FOXN3: variants seen among roughly 807,000 people sequenced by gnomAD.
The protein encoded by FOXN3 is forkhead box protein N3.
Under a neutral mutation model 38.4 loss-of-function variants are expected in FOXN3, and 7 were observed. The observed-to-expected ratio is 0.18, with a 90% CI of 0.10 to 0.34. FOXN3 has a LOEUF of 0.34. Among genes scored for constraint, FOXN3 ranks in the 10% least tolerant of loss-of-function variants. The pLI is 1.00. For synonymous variants in FOXN3, 230 were observed against 242.2 expected, an observed-to-expected ratio of 0.95 and a Z score of 0.47; for missense variants, 456 against 613.4, an observed-to-expected ratio of 0.74 and a Z score of 2.71.
intron 2 of FOXN3, among the ~76,000 whole-genome samples, chr14:89,404,298 A>C (rs973036245): frequency 6.6e-6 from 1 of 151,964 alleles, no homozygotes; most frequent in East Asian, 1.9e-4. Flanking sequence ...TCACAAGGTC[A>C]GGAGTTCGAG....
At chr14:89,204,522 A>G (rs1432351109) in intron 4 of FOXN3, among the ~76,000 whole-genome samples, 1 of 152,198 alleles carries the variant, frequency 6.6e-6, no homozygotes, top group Non-Finnish European at 1.5e-5. Flanking sequence ...TTTTTTTAAA[A>G]AACTTTTTTA....
At chr14:89,251,151 C>G (rs1027046056) in intron 4 of FOXN3, among the ~76,000 whole-genome samples, 1 of 152,200 alleles carries the variant, frequency 6.6e-6, no homozygotes, top group South Asian at 2.1e-4. Context: ...AATGCCCCTA[C>G]TTGTGAGCCA....
chr14:89,566,114 A>G (rs181228361), intron 1 of FOXN3, among the ~76,000 whole-genome samples: 189 of 152,318 alleles, frequency 1.2e-3, no homozygotes, highest in Non-Finnish European at 1.5e-3. Flanking sequence ...AGAAACTGAC[A>G]ATTAGTAAAA....
At chr14:89,470,523 C>G (rs910900194) in intron 1 of FOXN3, among the ~76,000 whole-genome samples, 1 of 152,184 alleles carries the variant, frequency 6.6e-6, no homozygotes, top group South Asian at 2.1e-4. Flanking sequence ...AATGAGAACA[C>G]AAAACCAGCA....
At chr14:89,214,029 A>C (rs1884186350) in intron 4 of FOXN3, among the ~76,000 whole-genome samples, 1 of 152,270 alleles carries the variant, frequency 6.6e-6, no homozygotes, top group Admixed American at 6.5e-5. Flanking sequence ...TGCAAACAAA[A>C]AAAAGTGGCA....
intron 2 of FOXN3, among the ~76,000 whole-genome samples, chr14:89,359,698 T>C (rs1889380019): frequency 6.6e-6 from 1 of 152,172 alleles, no homozygotes. Flanking sequence ...AGTCCAGGGC[T>C]TCCTAGAGAG....
Position 89,395,820 on chromosome 14 carries a change from G to C in FOXN3, c.543+16114C>G, listed in dbSNP as rs368949466. ...TAAGCTGATCTCTAAGGCTGGAGGG[G>C]GGGGAGTTTCAAAGTAAGTCAAAGA... On this transcript the variant is annotated intron_variant, in intron 2 of 5. Coordinates refer to ENST00000557258, the MANE Select transcript of FOXN3 (RefSeq NM_005197.4). Among the ~76,000 whole-genome samples the C allele has an allele frequency of 2.0e-4, 31 of 152,184 alleles. 1 individual carries two copies. In the South Asian group the frequency reaches 6.4e-3, roughly 32 times the overall value.
At chr14:89,449,733 T>C (rs970798231) in intron 1 of FOXN3, among the ~76,000 whole-genome samples, 3 of 152,148 alleles carry the variant, frequency 2.0e-5, no homozygotes, top group Non-Finnish European at 2.9e-5. Context: ...CAACCCCATA[T>C]GCATACAATT....
chr14:89,417,061 G>T lies in FOXN3; in HGVS notation c.-205C>A, dbSNP rs1278062934. ...CGGGCGGCAGGGGCGCGGGGGTCGC[G>T]GCGCGGCATGGGACCTGCGGCGTCC... On this transcript the variant is annotated 5_prime_UTR_variant, in exon 1 of 6. Coordinates refer to ENST00000557258, the MANE Select transcript of FOXN3 (RefSeq NM_005197.4). The T allele has an allele frequency of 7.0e-6, 1 of 143,880 alleles. No homozygotes were observed. Among genetic ancestry groups the T allele is most frequent in the Non-Finnish European group, 1.5e-5 (1 of 64,946 alleles). The allele number at this position is 143,880 out of a possible 1,614,324, so 8.9% of individuals were successfully genotyped here. A position where few individuals can be genotyped will look rare whatever the true frequency, so the allele number is the denominator to read the frequency against.
chr14:89,525,960 A>G (rs1894424487), intron 1 of FOXN3, among the ~76,000 whole-genome samples: 1 of 152,184 alleles, frequency 6.6e-6, no homozygotes. Context: ...GGCTTGATTT[A>G]ACATTAGAAA....
chr14:89,500,946 T>G (rs968061468), intron 1 of FOXN3, among the ~76,000 whole-genome samples: 5 of 152,334 alleles, frequency 3.3e-5, no homozygotes, highest in African/African-American at 1.2e-4. Context: ...CAGTGAAGTT[T>G]GCTTTAAATG....
chr14:89,196,706 C>G (rs1344941828), intron 4 of FOXN3, among the ~76,000 whole-genome samples: 1 of 152,172 alleles, frequency 6.6e-6, no homozygotes, highest in African/African-American at 2.4e-5. Context: ...TGATGGGTCC[C>G]TGCCAGGTCT....
At chr14:89,513,644 G>T (rs1366687651) in intron 1 of FOXN3, among the ~76,000 whole-genome samples, 6 of 151,018 alleles carry the variant, frequency 4.0e-5, no homozygotes, top group African/African-American at 4.9e-5. Context: ...GCCCAGGCTG[G>T]AGTGCAATGG....
chr14:89,399,827 C>A (rs1236790461), intron 2 of FOXN3, among the ~76,000 whole-genome samples: 16 of 152,196 alleles, frequency 1.1e-4, no homozygotes. Flanking sequence ...CTTATCCATT[C>A]CCTGAAAGCA....
intron 1 of FOXN3, among the ~76,000 whole-genome samples, chr14:89,533,087 A>C (rs1894605979): frequency 6.6e-6 from 1 of 152,218 alleles, no homozygotes; most frequent in Non-Finnish European, 1.5e-5. Context: ...TAGTATCTAC[A>C]AAAAGGGCAG....
chr14:89,608,432 G>A (rs957274426), intron 1 of FOXN3, among the ~76,000 whole-genome samples: 3 of 152,276 alleles, frequency 2.0e-5, no homozygotes, highest in Admixed American at 6.5e-5. Context: ...GGGCCACCGC[G>A]CCCGGCCTAT....
intron 3 of FOXN3, among the ~76,000 whole-genome samples, chr14:89,333,986 A>ATATATATCTATATATATC: frequency 8.7e-6 from 1 of 115,530 alleles, no homozygotes; most frequent in African/African-American, 3.9e-5. Context: ...ATATATATAT[A>ATATATATCTATATATATC]TATATATATA....
intron 1 of FOXN3, among the ~76,000 whole-genome samples, chr14:89,451,724 C>T (rs1303122163): frequency 1.3e-5 from 2 of 152,100 alleles, no homozygotes; most frequent in African/African-American, 4.8e-5. Context: ...TTTTTATCTT[C>T]GACTGTATTC....
intron 4 of FOXN3, among the ~76,000 whole-genome samples, chr14:89,256,048 T>A (rs1885609737): frequency 1.3e-5 from 2 of 152,100 alleles, no homozygotes; most frequent in Non-Finnish European, 2.9e-5. Context: ...CAGAGGCACA[T>A]CTGACATGCC....
Sources: gnomAD v4.1 joint callset for allele counts (sites outside exome capture counted in the v4.1 genomes callset) on GRCh38, gnomAD v4.1.1 for gene constraint, MANE v1.5 for transcripts, NCBI Gene and HGNC (gene_info 2026-07-23, HGNC 2026-07-21) for gene names.